CEP128: variants seen among roughly 807,000 people sequenced by gnomAD.
The protein encoded by CEP128 is centrosomal protein 128kDa.
CEP128 carries 132 observed loss-of-function variants against 156.7 expected under a neutral mutation model. The ratio of observed to expected loss-of-function variants is 0.84; its 90% CI spans 0.73 to 0.97. The LOEUF (loss-of-function observed/expected upper bound fraction) is 0.97. Among genes scored for constraint, CEP128 ranks in the 50% least tolerant of loss-of-function variants. The pLI is 0.00. For missense variants in CEP128, 1,252 were observed against 1,281.9 expected, an observed-to-expected ratio of 0.98 and a Z score of 0.36; for synonymous variants, 469 against 448.9, an observed-to-expected ratio of 1.04 and a Z score of -0.57.
intron 21 of CEP128, among the ~76,000 whole-genome samples, chr14:80,546,702 T>C (rs1368365404): frequency 1.3e-5 from 2 of 152,186 alleles, no homozygotes; most frequent in East Asian, 1.9e-4. Context: ...TCTGCTGTGA[T>C]AGAAAGCATA....
chr14:80,560,821 GCTC>G (rs904152568), intron 20 of CEP128, among the ~76,000 whole-genome samples: 1 of 152,102 alleles, frequency 6.6e-6, no homozygotes, highest in Non-Finnish European at 1.5e-5. Context: ...GGCTCTCCTT[GCTC>G]CTCAGCTTGC....
At chr14:80,671,186 T>C (rs931285944) in intron 19 of CEP128, among the ~76,000 whole-genome samples, 7 of 152,124 alleles carry the variant, frequency 4.6e-5, no homozygotes, top group African/African-American at 1.7e-4. Flanking sequence ...TGTCAGATGG[T>C]AAGTTATCAG....
At chr14:80,921,586 G>A (rs1269225308) in intron 2 of CEP128, among the ~76,000 whole-genome samples, 1 of 152,154 alleles carries the variant, frequency 6.6e-6, no homozygotes, top group Admixed American at 6.5e-5. Context: ...AGAGGTGTGG[G>A]GAAAGGCAGA....
intron 19 of CEP128, among the ~76,000 whole-genome samples, chr14:80,613,730 A>G (rs190691791): frequency 3.1e-4 from 47 of 152,308 alleles, no homozygotes; most frequent in African/African-American, 1.1e-3. Flanking sequence ...TTCTAAATGT[A>G]AATTCTAACT....
intron 18 of CEP128, among the ~76,000 whole-genome samples, chr14:80,753,316 G>A (rs1899482811): frequency 7.5e-6 from 1 of 132,596 alleles, no homozygotes. Context: ...ATGGGGCAAA[G>A]GCCAAGAAGA....
intron 19 of CEP128, among the ~76,000 whole-genome samples, chr14:80,729,705 G>T (rs1187216270): frequency 1.3e-5 from 2 of 151,956 alleles, no homozygotes; most frequent in African/African-American, 2.4e-5. Flanking sequence ...TTTTCTTTTT[G>T]ATTTTTTAAT....
chr14:80,699,483 C>T (rs1313786144), intron 19 of CEP128, among the ~76,000 whole-genome samples: 2 of 152,178 alleles, frequency 1.3e-5, no homozygotes, highest in East Asian at 3.9e-4. Context: ...GAGATATATT[C>T]ATTTCTACTA....
intron 1 of CEP128, among the ~76,000 whole-genome samples, 154 bp from the exon 2 acceptor site, chr14:80,939,694 C>G (rs1046819305): frequency 6.6e-6 from 1 of 152,232 alleles, no homozygotes; most frequent in Non-Finnish European, 1.5e-5. Flanking sequence ...CAAGAGACCT[C>G]ACTACAATTC....
chr14:80,655,414 C>T (rs1363519985), intron 19 of CEP128, among the ~76,000 whole-genome samples: 1 of 152,188 alleles, frequency 6.6e-6, no homozygotes, highest in Non-Finnish European at 1.5e-5. Context: ...AATCTGGTTA[C>T]TTTTCTCCAC....
chr14:80,927,029 G>C (rs1885187261), intron 2 of CEP128, among the ~76,000 whole-genome samples: 1 of 152,244 alleles, frequency 6.6e-6, no homozygotes, highest in Non-Finnish European at 1.5e-5. Context: ...GTTTACAGCA[G>C]TGGATCCCTT....
chr14:80,704,903 A>C (rs1897188957), intron 19 of CEP128, among the ~76,000 whole-genome samples: 1 of 152,022 alleles, frequency 6.6e-6, no homozygotes. Flanking sequence ...ATGAGCTGAT[A>C]TATACATTAC....
chr14:80,601,666 T>C (rs1470274573), intron 19 of CEP128, among the ~76,000 whole-genome samples: 1 of 152,198 alleles, frequency 6.6e-6, no homozygotes, highest in Non-Finnish European at 1.5e-5. Flanking sequence ...AGCATGTTAC[T>C]ATATTGAATA....
downstream of CEP128, among the ~76,000 whole-genome samples, chr14:80,485,576 C>A (rs956495846): frequency 6.6e-6 from 1 of 151,506 alleles, no homozygotes; most frequent in East Asian, 1.9e-4. Flanking sequence ...ACTTTATCAG[C>A]GTACCAAGTA....
chr14:80,533,205 T>C (rs1441673273), intron 21 of CEP128, among the ~76,000 whole-genome samples: 1 of 152,176 alleles, frequency 6.6e-6, no homozygotes, highest in African/African-American at 2.4e-5. Context: ...TAGGAATTTA[T>C]TGACTCTTGA....
intron 2 of CEP128, among the ~76,000 whole-genome samples, chr14:80,956,413 G>A (rs187681166): frequency 1.3e-5 from 2 of 152,266 alleles, no homozygotes; most frequent in South Asian, 2.1e-4. Context: ...GAAATAGTAC[G>A]TCCAGAACCC....
At chr14:80,867,950 C>T (rs570833752) in intron 8 of CEP128, among the ~76,000 whole-genome samples, 9 of 151,940 alleles carry the variant, frequency 5.9e-5, no homozygotes, top group African/African-American at 2.2e-4. Flanking sequence ...GAGAAAATGC[C>T]GAAAGCAGCA....
At chr14:80,643,626 C>T (rs1409420209) in intron 19 of CEP128, among the ~76,000 whole-genome samples, 1 of 152,092 alleles carries the variant, frequency 6.6e-6, no homozygotes, top group East Asian at 1.9e-4. Context: ...CGGAGAATCA[C>T]TTGAACCTGG....
At chr14:80,484,274 A>G (rs1449607531) in intron 14 of CEP128, among the ~76,000 whole-genome samples, 1 of 152,204 alleles carries the variant, frequency 6.6e-6, no homozygotes, top group African/African-American at 2.4e-5. Context: ...CACCGCACTC[A>G]GCCAATCTTG....
At chr14:80,714,431 C>T (rs543995454) in intron 19 of CEP128, among the ~76,000 whole-genome samples, 44 of 152,086 alleles carry the variant, frequency 2.9e-4, no homozygotes, top group Admixed American at 2.3e-3. Context: ...GGCTAAAAGG[C>T]CATTATGTAC....
Sources: allele counts gnomAD v4.1 joint callset (sites outside exome capture counted in the v4.1 genomes callset), GRCh38; gene constraint gnomAD v4.1.1; transcripts MANE v1.5; gene names NCBI Gene and HGNC (gene_info 2026-07-23, HGNC 2026-07-21).